Variants in PRPS2 observed in about 807,000 individuals in gnomAD.
The protein encoded by PRPS2 is ribose-phosphate pyrophosphokinase 2.
For synonymous variants in PRPS2, 111 were observed against 115.3 expected, an observed-to-expected ratio of 0.96 and a Z score of 0.24; for missense variants, 104 against 271.5, an observed-to-expected ratio of 0.38 and a Z score of 4.34.
At chrX:12,808,895 ATC>A (rs1035977178) in intron 2 of PRPS2, among the ~76,000 whole-genome samples, 16 of 107,477 alleles carry the variant, frequency 1.5e-4, no homozygotes, top group South Asian at 8.5e-4. Context: ...TACTACTATC[ATC>A]TCTCTCTCTC....
At position 12,797,067 on chromosome X, in the gene PRPS2, A is replaced by G. The variant is rs140175159; in HGVS notation, c.123-2140A>G. Among the ~76,000 whole-genome samples the G allele has an allele frequency of 5.5e-3, 603 of 110,265 alleles. 12 individuals carry two copies. Among genetic ancestry groups the G allele is most frequent in the Admixed American group, 0.044 (455 of 10,285 alleles). Reference sequence around the variant, plus strand: ...AACACTGACATGTATTACATGCTCAAAAAATACTGGCTGGGTGCAATGGCT... The same window carrying G: ...AACACTGACATGTATTACATGCTCAGAAAATACTGGCTGGGTGCAATGGCT... On this transcript the variant is annotated intron_variant, in intron 1 of 6. Coordinates refer to ENST00000380668, the MANE Select transcript of PRPS2 (RefSeq NM_002765.5).
Position 12,810,159 on chromosome X carries a change from C to G in PRPS2, c.530+13C>G. 5 of 1,207,966 alleles carry G rather than the reference C, an allele frequency of 4.1e-6. No individual in the cohort carries two copies. The highest frequency in any genetic ancestry group is 5.9e-5 in the East Asian group (2 of 33,732). The stretch of plus-strand genomic sequence containing the variant: ...GGGGAGCCAAAAGGTATCATGCAGG[C>G]TACACCTTGCAGATTTCTCCATCTG... On this transcript the variant is annotated intron_variant, in intron 4 of 6. Coordinates refer to ENST00000380668, the MANE Select transcript of PRPS2 (RefSeq NM_002765.5).
chrX:12,819,934 T>C (rs1286498579), intron 5 of PRPS2, among the ~76,000 whole-genome samples: 1 of 112,436 alleles, frequency 8.9e-6, no homozygotes, highest in Non-Finnish European at 1.9e-5. Flanking sequence ...CCCTTTGCAC[T>C]GAGCACGACA....
intron 4 of PRPS2, among the ~76,000 whole-genome samples, chrX:12,810,850 T>TAAA (rs540857235): frequency 0.04 from 3,552 of 89,500 alleles, 154 homozygotes; most frequent in African/African-American, 0.12. Context: ...ACCCTGACTC[T>TAAA]AAAAAAAAAA....
chrX:12,810,671 C>T (rs1351208228), intron 4 of PRPS2, among the ~76,000 whole-genome samples: 1 of 110,288 alleles, frequency 9.1e-6, no homozygotes, highest in African/African-American at 3.3e-5. Flanking sequence ...TTTTAATACT[C>T]ACCTGGAAAC....
intron 4 of PRPS2, among the ~76,000 whole-genome samples, chrX:12,817,797 A>T (rs2042655985): frequency 8.9e-6 from 1 of 111,904 alleles, no homozygotes; most frequent in Non-Finnish European, 1.9e-5. Context: ...GAAAGAGGCC[A>T]GACACAAAAA....
chrX:12,816,626 C>T (rs1374567612), intron 4 of PRPS2, among the ~76,000 whole-genome samples: 3 of 111,523 alleles, frequency 2.7e-5, no homozygotes, highest in Non-Finnish European at 5.7e-5. Context: ...GTTTTTCCTT[C>T]TCCACAAAGT....
chrX:12,822,647 ACT>A, intron 6 of PRPS2, 55 bp from the exon 7 acceptor site: 2 of 1,034,649 alleles, frequency 1.9e-6, no homozygotes, highest in Non-Finnish European at 2.7e-6. Flanking sequence ...TGTTTAAAGA[ACT>A]CTAACTAAGA....
intron 2 of PRPS2, among the ~76,000 whole-genome samples, chrX:12,808,282 A>AAT (rs1239757470): frequency 1.5e-5 from 1 of 64,631 alleles, no homozygotes; most frequent in Non-Finnish European, 3.0e-5. Context: ...TTTTTACATG[A>AAT]ATATACTGTG....
rs1463511560 is a variant in PRPS2 at position 12,823,925 on chromosome X, C to A, written c.*1129C>A. 1 of 112,064 alleles carries A rather than the reference C, an allele frequency of 8.9e-6. No homozygotes were observed. Among genetic ancestry groups the A allele is most frequent in the Non-Finnish European group, 1.9e-5 (1 of 53,209 alleles). The allele number at this position is 112,064 out of a possible 1,213,427, so 9.2% of individuals were successfully genotyped here. A position where few individuals can be genotyped will look rare whatever the true frequency, so the allele number is the denominator to read the frequency against. On this transcript the variant is annotated 3_prime_UTR_variant, in exon 7 of 7. Coordinates refer to ENST00000380668, the MANE Select transcript of PRPS2 (RefSeq NM_002765.5). ...TCCTGGCGTGGAAACTTAAGTGAGACCACCAAATACATTGGTCCTGTCCAA... is the reference window on the plus strand; with the variant it reads ...TCCTGGCGTGGAAACTTAAGTGAGAACACCAAATACATTGGTCCTGTCCAA...
rs185658281 is a variant in PRPS2, at chrX:12,821,372, T to C, written c.864+569T>C. Among the ~76,000 whole-genome samples the C allele has an allele frequency of 2.9e-4, 32 of 108,617 alleles. 1 individual carries two copies. The highest frequency in any genetic ancestry group is 2.9e-3 in the Admixed American group (29 of 10,097). 94.3% of individuals were successfully genotyped at this position (108,617 alleles called of 115,157 possible). A position where few individuals can be genotyped will look rare whatever the true frequency, so the allele number is the denominator to read the frequency against. On this transcript the variant is annotated intron_variant, in intron 6 of 6. Transcript: ENST00000380668. Reference sequence around the variant, plus strand: ...GCCAGATGCAAAAGGAGGAATATTGTGTTTCCGCTTCTAGGAGGTACCTGA... The same window carrying C: ...GCCAGATGCAAAAGGAGGAATATTGCGTTTCCGCTTCTAGGAGGTACCTGA...
intron 2 of PRPS2, among the ~76,000 whole-genome samples, chrX:12,807,856 C>CATG: frequency 9.9e-6 from 1 of 101,458 alleles, no homozygotes; most frequent in East Asian, 3.2e-4. Flanking sequence ...TTTGAACATA[C>CATG]ATGCATACCT....
At chrX:12,799,180 T>C (rs764956461) in intron 1 of PRPS2, 27 bp from the exon 2 acceptor site, 2 of 1,203,343 alleles carry the variant, frequency 1.7e-6, no homozygotes, top group South Asian at 3.6e-5. Context: ...GCTTCGATAT[T>C]AACCGATGGC....
At chrX:12,814,060 G>GCC (rs202209305) in intron 4 of PRPS2, among the ~76,000 whole-genome samples, 6 of 44,792 alleles carry the variant, frequency 1.3e-4, no homozygotes, top group African/African-American at 5.9e-4. Context: ...TAAGAATCCA[G>GCC]CCCCCCCACC....
chrX:12,822,570 C>G (rs2042681314), intron 6 of PRPS2, 134 bp from the exon 7 acceptor site: 1 of 587,995 alleles, frequency 1.7e-6, no homozygotes, highest in Non-Finnish European at 2.9e-6. Flanking sequence ...TCAAAAGTGT[C>G]GGAAGTTTTG....
intron 4 of PRPS2, among the ~76,000 whole-genome samples, chrX:12,810,743 G>A (rs140213294): frequency 1.0e-3 from 111 of 110,067 alleles, no homozygotes; most frequent in Middle Eastern, 4.7e-3. Context: ...CTAGCACCTT[G>A]GGAAGCCGAG....
intron 5 of PRPS2, 152 bp downstream of exon 5, chrX:12,819,832 A>G: frequency 2.9e-6 from 2 of 696,587 alleles, no homozygotes; most frequent in Non-Finnish European, 4.0e-6. Flanking sequence ...TTATCTTTAT[A>G]CTTCTTTCTC....
intron 2 of PRPS2, among the ~76,000 whole-genome samples, chrX:12,801,791 T>C (rs1242120795): frequency 8.9e-6 from 1 of 111,841 alleles, no homozygotes; most frequent in East Asian, 2.8e-4. Context: ...GTATTTTTGG[T>C]AGAGACGAGG....
intron 3 of PRPS2, 76 bp from the exon 4 acceptor site, chrX:12,809,946 C>T (rs894497797): frequency 6.6e-6 from 7 of 1,068,617 alleles, no homozygotes; most frequent in African/African-American, 6.0e-5. Flanking sequence ...TTAATGAAAG[C>T]GATTATCGTT....
Sources: allele counts gnomAD v4.1 joint callset (sites outside exome capture counted in the v4.1 genomes callset), GRCh38; gene constraint gnomAD v4.1.1; transcripts MANE v1.5; gene names NCBI Gene and HGNC (gene_info 2026-07-23, HGNC 2026-07-21).